NTN1: variants seen among roughly 807,000 people sequenced by gnomAD.
NTN1 encodes netrin 1.
NTN1 carries 11 observed loss-of-function variants against 54.2 expected under a neutral mutation model. The ratio of observed to expected loss-of-function variants is 0.20; its 90% CI spans 0.13 to 0.34. NTN1 has a LOEUF of 0.34. Among genes scored for constraint, NTN1 ranks in the 10% least tolerant of loss-of-function variants. NTN1 has a pLI of 1.00. For synonymous variants in NTN1, 371 were observed against 382.0 expected, an observed-to-expected ratio of 0.97 and a Z score of 0.33; for missense variants, 740 against 893.1, an observed-to-expected ratio of 0.83 and a Z score of 2.18.
intron 2 of NTN1, among the ~76,000 whole-genome samples, chr17:9,148,411 G>A (rs1173961099): frequency 6.6e-6 from 1 of 152,104 alleles, no homozygotes. Flanking sequence ...GGGACTTGTG[G>A]AGACTGAGGA....
At chr17:9,131,263 T>G (rs949148543) in intron 2 of NTN1, among the ~76,000 whole-genome samples, 15 of 152,192 alleles carry the variant, frequency 9.9e-5, no homozygotes, top group Non-Finnish European at 1.8e-4. Context: ...CTTTCCTCCC[T>G]CCTGCCTGAT....
At chr17:9,206,327 A>G (rs563716546) in intron 5 of NTN1, among the ~76,000 whole-genome samples, 1 of 152,204 alleles carries the variant, frequency 6.6e-6, no homozygotes, top group Non-Finnish European at 1.5e-5. Context: ...TTCAGCAAAA[A>G]GAAAGAGCCT....
chr17:9,193,811 A>G (rs1292812519), intron 5 of NTN1, among the ~76,000 whole-genome samples: 3 of 148,578 alleles, frequency 2.0e-5, no homozygotes, highest in Non-Finnish European at 4.5e-5. Context: ...AACCCCAGCT[A>G]CTTGGGAGGC....
upstream of NTN1, among the ~76,000 whole-genome samples, chr17:9,021,364 C>T (rs2091846528): frequency 1.7e-5 from 1 of 59,496 alleles, no homozygotes; most frequent in Admixed American, 1.6e-4. Flanking sequence ...TGCTCTCCCT[C>T]TCGGGCGTCC....
intron 2 of NTN1, among the ~76,000 whole-genome samples, chr17:9,137,162 GTC>G (rs1443406062): frequency 2.6e-5 from 4 of 152,152 alleles, no homozygotes; most frequent in Non-Finnish European, 5.9e-5. Flanking sequence ...CTTAGAAATA[GTC>G]TCTGCATTTC....
Position 9,192,946 on chromosome 17 carries a change from G to A in NTN1, c.1411+9977G>A, listed in dbSNP as rs185537479. On this transcript the variant is annotated intron_variant, in intron 5 of 6. Coordinates refer to ENST00000173229, the MANE Select transcript of NTN1 (RefSeq NM_004822.3). ...AAATAAAAAATTAGCTGGGCATGGT[G>A]GCACGCGCCTGTAGTCCCAGCTACG... Among the ~76,000 whole-genome samples, 905 of 152,200 alleles carry A rather than the reference G, an allele frequency of 5.9e-3. 7 individuals carry two copies. The highest frequency in any genetic ancestry group is 0.021 in the African/African-American group (859 of 41,528).
At chr17:9,029,553 C>G (rs1366866753) in intron 2 of NTN1, among the ~76,000 whole-genome samples, 3 of 152,216 alleles carry the variant, frequency 2.0e-5, no homozygotes, top group Non-Finnish European at 4.4e-5. Flanking sequence ...CCTGTAGATA[C>G]AGACGTTCAC....
chr17:9,200,131 G>A (rs182733754), intron 5 of NTN1, among the ~76,000 whole-genome samples: 1 of 152,340 alleles, frequency 6.6e-6, no homozygotes, highest in East Asian at 1.9e-4. Context: ...ACCTTCCCAG[G>A]GAGCCCTGCT....
chr17:9,204,662 G>A (rs1039183164), intron 5 of NTN1, among the ~76,000 whole-genome samples: 2 of 152,112 alleles, frequency 1.3e-5, no homozygotes, highest in South Asian at 2.1e-4. Flanking sequence ...GCAGTGAATC[G>A]GGGATAGCAA....
intron 2 of NTN1, among the ~76,000 whole-genome samples, chr17:9,143,172 CG>C (rs1021929741): frequency 2.0e-5 from 3 of 152,090 alleles, no homozygotes; most frequent in African/African-American, 7.2e-5. Flanking sequence ...TCTGTCTGGA[CG>C]GGAGTAGAGG....
At chr17:9,067,266 C>A (rs1251872789) in intron 2 of NTN1, among the ~76,000 whole-genome samples, 101 of 141,528 alleles carry the variant, frequency 7.1e-4, no homozygotes, top group East Asian at 1.0e-3. Flanking sequence ...GACCCTGTCT[C>A]AAAAAAAAAA....
At chr17:9,157,995 T>C (rs2092347923) in intron 2 of NTN1, among the ~76,000 whole-genome samples, 1 of 152,236 alleles carries the variant, frequency 6.6e-6, no homozygotes, top group Admixed American at 6.5e-5. Context: ...GTGACGCCTC[T>C]GTGTGGAGCC....
chr17:9,117,342 G>A (rs1291706092), intron 2 of NTN1, among the ~76,000 whole-genome samples: 1 of 152,200 alleles, frequency 6.6e-6, no homozygotes, highest in Non-Finnish European at 1.5e-5. Context: ...GCGGAAACTT[G>A]CAGAATGGCT....
intron 2 of NTN1, among the ~76,000 whole-genome samples, chr17:9,143,828 C>T (rs1416799201): frequency 6.6e-6 from 1 of 151,972 alleles, no homozygotes; most frequent in Non-Finnish European, 1.5e-5. Context: ...CTGCAGAGGC[C>T]AAGGGTCTCC....
chr17:9,129,243 C>A (rs2142268552), intron 2 of NTN1, among the ~76,000 whole-genome samples: 1 of 152,200 alleles, frequency 6.6e-6, no homozygotes, highest in East Asian at 1.9e-4. Flanking sequence ...ATTGCTCTTT[C>A]CAAGGCTCCT....
rs59534717 is a variant in NTN1 at position 9,221,147 on chromosome 17, T to C, written c.1412-21T>C. On this transcript the variant is annotated intron_variant, in intron 5 of 6. Transcript: ENST00000173229. The surrounding 1 kb of genome is among the most constrained non-coding windows in gnomAD (Gnocchi z 4.5). ...CAGCCTAATTAGTTTTTGTCTGTGC[T>C]CCCCCCCCACCCCCCTGCAGACTGC... The C allele has an allele frequency of 9.0e-3, 11,729 of 1,303,348 alleles. 516 individuals carry two copies. The African/African-American group carries it at 0.12, about 14-fold the overall frequency. The allele number at this position is 1,303,348 out of a possible 1,614,324, so 80.7% of individuals were successfully genotyped here. A position where few individuals can be genotyped will look rare whatever the true frequency, so the allele number is the denominator to read the frequency against.
In NTN1 at chr17:9,029,417, G is replaced by C. The variant is rs543997732; in HGVS notation, c.1018+6026G>C. On this transcript the variant is annotated intron_variant, in intron 2 of 6. Transcript: ENST00000173229. ...TCTGTGACACTGTTGCATGCAGAGA[G>C]AGCAGGGGGTATCAGGAGCGTTTGC... Among the ~76,000 whole-genome samples, 3 of 152,352 alleles carry C rather than the reference G, an allele frequency of 2.0e-5. No individual in the cohort carries two copies. In the East Asian group the frequency reaches 5.8e-4, roughly 29 times the overall value.
At chr17:9,143,927 G>C (rs569870613) in intron 2 of NTN1, among the ~76,000 whole-genome samples, 1 of 145,792 alleles carries the variant, frequency 6.9e-6, no homozygotes, top group Non-Finnish European at 1.5e-5. Flanking sequence ...ATGGAATTTC[G>C]CTCTTGTTGC....
intron 5 of NTN1, among the ~76,000 whole-genome samples, chr17:9,190,021 C>T (rs1026541697): frequency 5.3e-5 from 8 of 152,212 alleles, no homozygotes; most frequent in Non-Finnish European, 1.0e-4. Flanking sequence ...AAGAATCAGC[C>T]GAAGATTGTT....
Sources: allele counts gnomAD v4.1 joint callset (sites outside exome capture counted in the v4.1 genomes callset), GRCh38; gene constraint gnomAD v4.1.1; non-coding constraint Gnocchi (gnomAD v3.1); transcripts MANE v1.5; gene names NCBI Gene and HGNC (gene_info 2026-07-23, HGNC 2026-07-21).